Variants in SYK observed in about 807,000 individuals in gnomAD.
The protein encoded by SYK is tyrosine-protein kinase SYK.
SYK carries 16 observed loss-of-function variants against 77.8 expected under a neutral mutation model. That is an observed-to-expected ratio of 0.21 (90% CI 0.14 to 0.31). The LOEUF (loss-of-function observed/expected upper bound fraction) is 0.31, where lower values mean the gene tolerates loss of function less well. Among genes scored for constraint, SYK ranks in the 10% least tolerant of loss-of-function variants. SYK has a pLI of 1.00. For missense variants in SYK, 529 were observed against 814.4 expected, an observed-to-expected ratio of 0.65 and a Z score of 4.26; for synonymous variants, 312 against 308.7, an observed-to-expected ratio of 1.01 and a Z score of -0.11.
intron 5 of SYK, 126 bp downstream of exon 5, chr9:90,864,793 A>G: frequency 3.8e-6 from 3 of 797,026 alleles, no homozygotes; most frequent in South Asian, 3.2e-5. Context: ...ATTAATAATG[A>G]TATCAGAGCA....
At chr9:90,817,162 C>T (rs927365471) in intron 1 of SYK, among the ~76,000 whole-genome samples, 2 of 152,182 alleles carry the variant, frequency 1.3e-5, no homozygotes, top group African/African-American at 4.8e-5. Context: ...AATTCTTCTT[C>T]TTCCAGTGTG....
intron 1 of SYK, among the ~76,000 whole-genome samples, chr9:90,818,082 G>A (rs1298086133): frequency 6.6e-6 from 1 of 152,196 alleles, no homozygotes; most frequent in East Asian, 1.9e-4. Flanking sequence ...CCCCACTAAG[G>A]GTCTTCATGA....
chr9:90,802,289 T>A (rs1415629224), intron 1 of SYK, among the ~76,000 whole-genome samples: 2 of 152,212 alleles, frequency 1.3e-5, no homozygotes, highest in Admixed American at 1.3e-4. Flanking sequence ...ACATTTTCCT[T>A]TGGCCATTTA....
chr9:90,834,033 C>T (rs979638736), intron 1 of SYK, among the ~76,000 whole-genome samples: 1 of 152,186 alleles, frequency 6.6e-6, no homozygotes, highest in Non-Finnish European at 1.5e-5. Flanking sequence ...CTAGATTTAA[C>T]TCCTCATGGT....
intron 3 of SYK, among the ~76,000 whole-genome samples, chr9:90,860,793 T>A (rs933780932): frequency 1.3e-5 from 2 of 152,170 alleles, no homozygotes; most frequent in Non-Finnish European, 2.9e-5. Context: ...CAGGAAAGCA[T>A]GGCCATGTCC....
At chr9:90,841,984 TTTTG>T (rs374859515) in intron 1 of SYK, among the ~76,000 whole-genome samples, 3,881 of 118,692 alleles carry the variant, frequency 0.033, 5 homozygotes, top group Non-Finnish European at 0.051. Flanking sequence ...TGTATGTAGT[TTTTG>T]TGTGTTGTGT....
chr9:90,817,895 G>T (rs1201599109), intron 1 of SYK, among the ~76,000 whole-genome samples: 8 of 151,898 alleles, frequency 5.3e-5, no homozygotes, highest in Non-Finnish European at 1.2e-4. Flanking sequence ...GAGAGAGAGA[G>T]AGAGAGAGAG....
At chr9:90,892,485 A>G (rs1426747512) in intron 13 of SYK, among the ~76,000 whole-genome samples, 1 of 152,222 alleles carries the variant, frequency 6.6e-6, no homozygotes, top group African/African-American at 2.4e-5. Flanking sequence ...AAAATAATCA[A>G]TATCCCAATC....
intron 3 of SYK, among the ~76,000 whole-genome samples, chr9:90,854,425 A>G (rs1786512748): frequency 6.6e-6 from 1 of 152,062 alleles, no homozygotes. Context: ...TTGAAGAGTG[A>G]GTGAGGAGGA....
chr9:90,877,224 T>G (rs1827971168), intron 9 of SYK, among the ~76,000 whole-genome samples: 1 of 152,082 alleles, frequency 6.6e-6, no homozygotes, highest in African/African-American at 2.4e-5. Context: ...TGATTTTTTT[T>G]AGAGATGGGG....
intron 1 of SYK, among the ~76,000 whole-genome samples, chr9:90,842,542 GGT>G (rs1826407080): frequency 6.6e-6 from 1 of 150,972 alleles, no homozygotes; most frequent in African/African-American, 2.4e-5. Flanking sequence ...TGCATGCAGT[GGT>G]GTGTTTCATG....
At chr9:90,880,247 C>T (rs918751744) in intron 11 of SYK, among the ~76,000 whole-genome samples, 11 of 152,178 alleles carry the variant, frequency 7.2e-5, no homozygotes, top group East Asian at 5.8e-4. Flanking sequence ...TGGTGGACCT[C>T]GGCCAGCAAA....
chr9:90,846,471 A>G (rs149191517), intron 3 of SYK, among the ~76,000 whole-genome samples: 2 of 152,168 alleles, frequency 1.3e-5, no homozygotes, highest in Non-Finnish European at 2.9e-5. Context: ...CCATCTATTC[A>G]AAGGAATTTC....
At chr9:90,855,703 A>T (rs932889485) in intron 3 of SYK, among the ~76,000 whole-genome samples, 4 of 151,902 alleles carry the variant, frequency 2.6e-5, no homozygotes, top group South Asian at 2.1e-4. Context: ...TGTGTGAGAG[A>T]GAGAGAGAGA....
intron 1 of SYK, among the ~76,000 whole-genome samples, chr9:90,818,670 T>C (rs1268908608): frequency 6.6e-6 from 1 of 152,258 alleles, no homozygotes; most frequent in African/African-American, 2.4e-5. Context: ...ACCACCCAAA[T>C]TAATAAATGT....
At chr9:90,849,495 G>A (rs1209316904) in intron 3 of SYK, among the ~76,000 whole-genome samples, 3 of 152,208 alleles carry the variant, frequency 2.0e-5, no homozygotes, top group African/African-American at 7.2e-5. Context: ...TAATACCACT[G>A]TAGTTCTGTA....
chr9:90,895,862 A>G lies in SYK; in HGVS notation c.*262A>G. ...GTTTTCTTGTCTGTGTGATTTTCAT[A>G]CAGGTTATTTTTACGATCTGTTTCC... On this transcript the variant is annotated 3_prime_UTR_variant, in exon 14 of 14. Transcript: ENST00000375754. This position sits in a 1 kb window ranked among gnomAD's most constrained non-coding sequence, Gnocchi z 4.4. 1 of 472,392 alleles carries G rather than the reference A, an allele frequency of 2.1e-6. No individual in the cohort carries two copies. The highest frequency in any genetic ancestry group is 3.9e-6 in the Non-Finnish European group (1 of 257,650). The allele number at this position is 472,392 out of a possible 1,614,324, so 29.3% of individuals were successfully genotyped here. A position where few individuals can be genotyped will look rare whatever the true frequency, so the allele number is the denominator to read the frequency against.
chr9:90,874,574 A>G, intron 8 of SYK, 98 bp from the exon 9 acceptor site: 1 of 1,388,628 alleles, frequency 7.2e-7, no homozygotes, highest in South Asian at 1.3e-5. Flanking sequence ...CATTGATGCT[A>G]CTCTGAGTTC....
chr9:90,852,745 C>T (rs1415156338), intron 3 of SYK, among the ~76,000 whole-genome samples: 1 of 152,108 alleles, frequency 6.6e-6, no homozygotes, highest in Non-Finnish European at 1.5e-5. Flanking sequence ...TACCTTCTGA[C>T]TTTAGAAAAA....
Sources: allele counts gnomAD v4.1 joint callset (sites outside exome capture counted in the v4.1 genomes callset), GRCh38; gene constraint gnomAD v4.1.1; non-coding constraint Gnocchi (gnomAD v3.1); transcripts MANE v1.5; gene names NCBI Gene and HGNC (gene_info 2026-07-23, HGNC 2026-07-21).